Variants in EPB41L3 observed in about 807,000 individuals in gnomAD.
EPB41L3 encodes erythrocyte membrane protein band 4.1 like 3, also known as band 4.1-like protein 3.
In EPB41L3, 57 loss-of-function variants were observed where a neutral mutation model predicts 127.1. That is an observed-to-expected ratio of 0.45 (90% confidence interval 0.36 to 0.56). The LOEUF (loss-of-function observed/expected upper bound fraction) is 0.56. Ranked by LOEUF, EPB41L3 falls within the 20% of genes least tolerant of loss-of-function variation. EPB41L3 has a pLI of 0.00. For synonymous variants in EPB41L3, 572 were observed against 549.5 expected (o/e 1.04, Z -0.57); for missense variants, 1,273 against 1,372.2 (o/e 0.93, Z 1.14).
chr18:5,436,028 C>T (rs1418948365), intron 6 of EPB41L3, among the ~76,000 whole-genome samples: 1 of 152,146 alleles, frequency 6.6e-6, no homozygotes, highest in Non-Finnish European at 1.5e-5. Context: ...TTTGCCATAT[C>T]ATAAAAATAT....
chr18:5,445,204 T>C lies in EPB41L3; in HGVS notation c.422A>G (p.Glu141Gly). 1.2e-6 allele frequency: 2 copies of C among 1,614,096 alleles called. No individual in the cohort carries two copies. The highest frequency in any genetic ancestry group is 1.7e-6 in the Non-Finnish European group (2 of 1,180,024). ...GTCTTTCTCTAGCAAGTTCAAGTGT[T>C]CACACACTTTATCAAACAGCACTTG... The part of the protein sequence containing the change: ...RGQVLFDKVC[E>G]HLNLLEKDYF... Residue 141 changes from glutamate (E) to glycine (G), a missense_variant, in exon 4 of 23, where the codon GAA (glutamate) becomes GGA (glycine). By Grantham distance (98) the Glu-to-Gly change is moderately conservative. Coordinates refer to ENST00000341928, the MANE Select transcript of EPB41L3 (RefSeq NM_012307.5).
chr18:5,507,045 C>T (rs1234091861), intron 1 of EPB41L3, among the ~76,000 whole-genome samples: 1 of 152,078 alleles, frequency 6.6e-6, no homozygotes, highest in African/African-American at 2.4e-5. Flanking sequence ...ATTAAGTGTG[C>T]GTGTAAAATG....
At chr18:5,405,200 T>C (rs2075170585) in intron 16 of EPB41L3, among the ~76,000 whole-genome samples, 2 of 152,148 alleles carry the variant, frequency 1.3e-5, no homozygotes, top group Admixed American at 1.3e-4. Context: ...TAAGTGTAAT[T>C]GAATTCTTAT....
chr18:5,406,663 TA>T (rs2075433282), intron 16 of EPB41L3, 113 bp downstream of exon 16: 1 of 949,584 alleles, frequency 1.1e-6, no homozygotes, highest in African/African-American at 1.6e-5. Context: ...AGGTTAAACA[TA>T]GGTAGGAAGA....
intron 3 of EPB41L3, among the ~76,000 whole-genome samples, chr18:5,453,078 A>G (rs1406175801): frequency 6.6e-6 from 1 of 152,120 alleles, no homozygotes; most frequent in Non-Finnish European, 1.5e-5. Context: ...CCTATAAATC[A>G]TCTCTTAGTC....
At chr18:5,522,405 T>C (rs1362701247) in intron 1 of EPB41L3, among the ~76,000 whole-genome samples, 3 of 152,196 alleles carry the variant, frequency 2.0e-5, no homozygotes, top group Non-Finnish European at 4.4e-5. Flanking sequence ...ATTACAGATG[T>C]GAGCCGCTAA....
intron 1 of EPB41L3, among the ~76,000 whole-genome samples, chr18:5,531,685 T>C (rs2093415482): frequency 1.5e-5 from 2 of 136,090 alleles, no homozygotes; most frequent in Non-Finnish European, 1.5e-5. Flanking sequence ...GCCAAGATCA[T>C]GCCGCCACTG....
chr18:5,415,693 C>G (rs554155764), intron 13 of EPB41L3, 125 bp downstream of exon 13: 1 of 1,032,192 alleles, frequency 9.7e-7, no homozygotes. Flanking sequence ...GAAACCTCAA[C>G]ATATTGGCAC....
At chr18:5,420,125 TA>T (rs1435739677) in intron 11 of EPB41L3, 4 of 669,442 alleles carry the variant, frequency 6.0e-6, no homozygotes, top group Non-Finnish European at 9.7e-6. Context: ...ATGAGTGCTT[TA>T]AAATTCGTGA....
intron 1 of EPB41L3, among the ~76,000 whole-genome samples, chr18:5,515,046 T>C (rs2092696573): frequency 6.6e-6 from 1 of 152,188 alleles, no homozygotes; most frequent in African/African-American, 2.4e-5. Flanking sequence ...TAACAGTAAG[T>C]GGGGTGCTTT....
intron 1 of EPB41L3, chr18:5,521,339 A>G (rs1330032961): frequency 6.6e-6 from 1 of 152,232 alleles, no homozygotes; most frequent in East Asian, 1.9e-4. Flanking sequence ...AGTAATGTCC[A>G]CTGGAAGATT....
chr18:5,439,079 T>C lies in EPB41L3; in HGVS notation c.530-969A>G, dbSNP rs544795735. Among the ~76,000 whole-genome samples, 5 of 152,258 alleles carry C rather than the reference T, an allele frequency of 3.3e-5. No homozygotes were observed. In the East Asian group the frequency reaches 9.7e-4, roughly 29 times the overall value. ...TAACTTACCAAAGTCTGGGTATCTC[T>C]TCTCTGTGGTGCTGTTCATATTTGT... On this transcript the variant is annotated intron_variant, in intron 5 of 22. Transcript: ENST00000341928.
At chr18:5,552,734 A>G (rs910440965) in intron 3 of EPB41L3, among the ~76,000 whole-genome samples, 3 of 139,552 alleles carry the variant, frequency 2.1e-5, no homozygotes, top group Non-Finnish European at 4.5e-5. Flanking sequence ...AACTTTCACC[A>G]TCACCAGAAC....
chr18:5,586,434 C>T (rs1460700203), intron 3 of EPB41L3, among the ~76,000 whole-genome samples: 2 of 147,518 alleles, frequency 1.4e-5, no homozygotes, highest in Non-Finnish European at 3.0e-5. Context: ...GGGTCTTGCT[C>T]TGTCATGCAG....
At chr18:5,401,714 T>TA (rs1598464881) in intron 16 of EPB41L3, among the ~76,000 whole-genome samples, 2 of 152,172 alleles carry the variant, frequency 1.3e-5, no homozygotes, top group Admixed American at 6.5e-5. Context: ...TACTTTAACA[T>TA]AAAAAATTAA....
At chr18:5,461,006 C>T (rs1433765156) in intron 3 of EPB41L3, among the ~76,000 whole-genome samples, 1 of 152,078 alleles carries the variant, frequency 6.6e-6, no homozygotes, top group Non-Finnish European at 1.5e-5. Context: ...ATTACATTTC[C>T]AGTTCTGGTG....
chr18:5,435,014 C>T (rs1406875909), intron 6 of EPB41L3, among the ~76,000 whole-genome samples: 2 of 151,632 alleles, frequency 1.3e-5, no homozygotes, highest in Non-Finnish European at 2.9e-5. Context: ...TAGGCCTAGG[C>T]TAATAATATA....
chr18:5,445,335 T>C, intron 3 of EPB41L3, 91 bp from the exon 4 acceptor site: 1 of 1,017,372 alleles, frequency 9.8e-7, no homozygotes, highest in East Asian at 2.5e-5. Flanking sequence ...ATTTAAAACA[T>C]TGCTTGGTGT....
chr18:5,556,181 T>G (rs983858092), intron 3 of EPB41L3, among the ~76,000 whole-genome samples: 2 of 152,206 alleles, frequency 1.3e-5, no homozygotes, highest in African/African-American at 4.8e-5. Context: ...CAGTACATAA[T>G]GGTTAGGTTT....
Sources: allele counts gnomAD v4.1 joint callset (sites outside exome capture counted in the v4.1 genomes callset), GRCh38; gene constraint gnomAD v4.1.1; transcripts MANE v1.5; gene names NCBI Gene and HGNC (gene_info 2026-07-23, HGNC 2026-07-21).